LIN54: variants seen among roughly 807,000 people sequenced by gnomAD.
LIN54 encodes protein lin-54 homolog.
In LIN54, 9 loss-of-function variants were observed where a neutral mutation model predicts 78.7. That is an observed-to-expected ratio of 0.11 (90% CI 0.07 to 0.20). The LOEUF (loss-of-function observed/expected upper bound fraction) is 0.20. Ranked by LOEUF, LIN54 falls within the 10% of genes least tolerant of loss-of-function variation. The pLI, the probability that LIN54 is intolerant of heterozygous loss-of-function variation, is 1.00. For missense variants in LIN54, 573 were observed against 889.9 expected, an observed-to-expected ratio of 0.64 and a Z score of 4.53; for synonymous variants, 269 against 318.4, an observed-to-expected ratio of 0.84 and a Z score of 1.65.
chr4:82,963,023 C>T lies in LIN54; in HGVS notation c.951+7304G>A, dbSNP rs145249416. On this transcript the variant is annotated intron_variant, in intron 4 of 12. Coordinates refer to ENST00000340417, the MANE Select transcript of LIN54 (RefSeq NM_194282.4). ...ATATATTTAAAAAAGAAATGAGCAA[C>T]AACAAAACACACAACGCACATTTAG... is the stretch of plus-strand genomic sequence containing the variant. Among the ~76,000 whole-genome samples the T allele has an allele frequency of 7.8e-3, 1,175 of 151,566 alleles. 32 individuals carry two copies. The highest frequency in any genetic ancestry group is 0.039 in the Admixed American group (601 of 15,228).
chr4:82,994,734 A>G (rs1728048834), intron 1 of LIN54, among the ~76,000 whole-genome samples: 1 of 151,792 alleles, frequency 6.6e-6, no homozygotes, highest in African/African-American at 2.4e-5. Flanking sequence ...TGAGGGTAGT[A>G]TTCTATTTAT....
chr4:82,947,207 TTATA>T (rs1207992875), intron 4 of LIN54, among the ~76,000 whole-genome samples: 1 of 76,222 alleles, frequency 1.3e-5, no homozygotes, highest in Admixed American at 2.3e-4. Flanking sequence ...AAAAAAAAAT[TTATA>T]TATATATATA....
At chr4:83,005,943 C>T (rs1275191513) in intron 1 of LIN54, among the ~76,000 whole-genome samples, 4 of 152,138 alleles carry the variant, frequency 2.6e-5, no homozygotes, top group Admixed American at 1.3e-4. Context: ...TGAAATACTA[C>T]GTAGCCATAA....
rs1722075791 is a variant in LIN54 at position 82,932,776 on chromosome 4, G to A, written c.1846-1631C>T. Among the ~76,000 whole-genome samples the A allele has an allele frequency of 2.6e-5, 4 of 152,088 alleles. No individual in the cohort carries two copies. In the South Asian group the frequency reaches 6.2e-4, roughly 24 times the overall value. On this transcript the variant is annotated intron_variant, in intron 11 of 12. Transcript: ENST00000340417. Reference sequence around the variant, plus strand: ...GGAGGCGGAGGTTGCAGTGAGCCGCGATCACGCGATTGCACTCCAGCCTAG... The same window carrying A: ...GGAGGCGGAGGTTGCAGTGAGCCGCAATCACGCGATTGCACTCCAGCCTAG...
intron 1 of LIN54, among the ~76,000 whole-genome samples, chr4:83,001,904 A>G: frequency 7.7e-4 from 1 of 1,304 alleles, no homozygotes; most frequent in Non-Finnish European, 2.4e-3. Context: ...GGAGGGAGGG[A>G]GGGAGGGAGG....
intron 4 of LIN54, among the ~76,000 whole-genome samples, chr4:82,964,425 G>A (rs913102764): frequency 1.3e-5 from 2 of 152,098 alleles, no homozygotes; most frequent in African/African-American, 4.8e-5. Context: ...TTGAAAGTGG[G>A]AATCCTTGTT....
At chr4:82,968,759 A>G (rs1238578433) in intron 4 of LIN54, among the ~76,000 whole-genome samples, 7 of 152,192 alleles carry the variant, frequency 4.6e-5, no homozygotes, top group Non-Finnish European at 8.8e-5. Context: ...GGTCTCTCCC[A>G]CAATACAGGC....
In LIN54 at chr4:82,938,484, T is replaced by C. The variant is rs996794740; in HGVS notation, c.1461A>G (p.Val487=). The change falls in exon 8 of 13, where the codon GTA becomes GTG. Residue 487 remains valine, a synonymous_variant. Coordinates refer to ENST00000340417, the MANE Select transcript of LIN54 (RefSeq NM_194282.4). ...YVTQLQQSSY[V]SIASNSTFTG... ...TAAAGGTAGAGTTGCTTGCTATTGA[T>C]ACATATGAAGACTGCTGTAGCTACA... 13 of 1,608,352 alleles carry C rather than the reference T, an allele frequency of 8.1e-6. No homozygotes were observed. Among genetic ancestry groups the C allele is most frequent in the African/African-American group, 1.3e-5 (1 of 74,922 alleles).
intron 1 of LIN54, among the ~76,000 whole-genome samples, chr4:83,006,371 C>T (rs13125645): frequency 0.18 from 27,819 of 151,410 alleles, 2,733 homozygotes; most frequent in South Asian, 0.32. Flanking sequence ...ATCGCTTGGA[C>T]CTGGCAGGCA....
At chr4:83,012,555 G>A (rs1227407161), upstream of LIN54, among the ~76,000 whole-genome samples, 1 of 152,086 alleles carries the variant, frequency 6.6e-6, no homozygotes, top group Non-Finnish European at 1.5e-5. Flanking sequence ...CACCCTCTCG[G>A]GAGCCGACGG....
chr4:82,959,296 C>A (rs2126059603), intron 4 of LIN54, among the ~76,000 whole-genome samples: 1 of 152,124 alleles, frequency 6.6e-6, no homozygotes, highest in South Asian at 2.1e-4. Context: ...GAGTTTGAGA[C>A]CAGCCTGGGC....
At chr4:82,966,639 G>C (rs551668840) in intron 4 of LIN54, among the ~76,000 whole-genome samples, 1 of 152,020 alleles carries the variant, frequency 6.6e-6, no homozygotes, top group African/African-American at 2.4e-5. Flanking sequence ...TTTACTTTTT[G>C]AGACAGTCTC....
intron 1 of LIN54, chr4:83,003,593 C>T (rs1232212958): frequency 6.6e-6 from 1 of 152,206 alleles, no homozygotes; most frequent in African/African-American, 2.4e-5. Flanking sequence ...GTGGCGCAAT[C>T]TTGGCTCACA....
intron 2 of LIN54, among the ~76,000 whole-genome samples, chr4:82,979,830 G>A (rs892290374): frequency 4.6e-5 from 7 of 150,808 alleles, no homozygotes; most frequent in Admixed American, 2.0e-4. Flanking sequence ...TTAGCTACTC[G>A]GGAGGCTGAG....
chr4:82,930,016 G>A (rs1340674534), intron 12 of LIN54, among the ~76,000 whole-genome samples: 1 of 151,974 alleles, frequency 6.6e-6, no homozygotes, highest in African/African-American at 2.4e-5. Context: ...TCCTGCGTCA[G>A]CCTCCCAAGT....
In LIN54 at chr4:82,931,028, G is replaced by T; in HGVS notation, c.1963C>A (p.Gln655Lys). 1 of 1,614,182 alleles carries T rather than the reference G, an allele frequency of 6.2e-7. No individual in the cohort carries two copies. Among genetic ancestry groups the T allele is most frequent in the Non-Finnish European group, 8.5e-7 (1 of 1,180,026 alleles). The change falls in exon 12 of 13, where the codon CAA (glutamine) becomes AAA (lysine). Residue 655 changes from glutamine to lysine, a missense_variant. This residue lies in a region of LIN54 where 82 missense variants were observed against 140.8 expected (regional missense o/e 0.58). Transcript: ENST00000340417. Reference protein sequence around the residue: ...ADAAEVRVQQQTAAKTKLSSQ... With the variant: ...ADAAEVRVQQKTAAKTKLSSQ... ...GATAACTTCGTCTTGGCTGCTGTTT[G>T]TTGCTGTACCCTTACTTCAGCTGCA...
chr4:83,002,150 G>A (rs1222958968), intron 1 of LIN54, among the ~76,000 whole-genome samples: 1 of 151,266 alleles, frequency 6.6e-6, no homozygotes, highest in Non-Finnish European at 1.5e-5. Flanking sequence ...ATTCAAGACT[G>A]CTTTTGAAAT....
chr4:82,952,445 G>C (rs1005197918), intron 4 of LIN54, among the ~76,000 whole-genome samples: 1 of 152,090 alleles, frequency 6.6e-6, no homozygotes, highest in Non-Finnish European at 1.5e-5. Flanking sequence ...CCATAAGGAT[G>C]GCTACTGTCA....
At chr4:82,961,166 T>G (rs536976859) in intron 4 of LIN54, among the ~76,000 whole-genome samples, 1 of 152,318 alleles carries the variant, frequency 6.6e-6, no homozygotes, top group Non-Finnish European at 1.5e-5. Flanking sequence ...GAGAGAAGTG[T>G]ATTAAATATG....
Sources: gnomAD v4.1 joint callset for allele counts (sites outside exome capture counted in the v4.1 genomes callset) on GRCh38, gnomAD v4.1.1 for gene constraint, gnomAD v4.1.1 regional missense constraint, MANE v1.5 for transcripts, NCBI Gene and HGNC (gene_info 2026-07-23, HGNC 2026-07-21) for gene names.